Variants in SLC30A7 observed in about 807,000 individuals in gnomAD.
The protein encoded by SLC30A7 is solute carrier family 30 member 7.
SLC30A7 carries 35 observed loss-of-function variants against 46.0 expected under a neutral mutation model. That is an observed-to-expected ratio of 0.76 (90% CI 0.58 to 1.01). SLC30A7 has a LOEUF of 1.01. SLC30A7 is among the 50% of genes least tolerant of loss of function. The probability of loss-of-function intolerance (pLI) is 0.00; values close to 1 mark genes in which losing one functional copy is unlikely to be tolerated. For synonymous variants in SLC30A7, 147 were observed against 157.8 expected (o/e 0.93, Z 0.51); for missense variants, 464 against 451.1 (o/e 1.03, Z -0.26).
At chr1:100,927,297 G>A (rs899773112) in intron 8 of SLC30A7, among the ~76,000 whole-genome samples, 1 of 152,166 alleles carries the variant, frequency 6.6e-6, no homozygotes, top group Non-Finnish European at 1.5e-5. Flanking sequence ...GTGCAACCAA[G>A]AAGAGTAAAG....
intron 8 of SLC30A7, among the ~76,000 whole-genome samples, chr1:100,931,848 C>G (rs146196873): frequency 3.4e-4 from 52 of 152,272 alleles, no homozygotes; most frequent in Non-Finnish European, 6.8e-4. Context: ...ATCAAACATA[C>G]TGTATTATTT....
downstream of SLC30A7, among the ~76,000 whole-genome samples, chr1:100,984,574 G>T (rs1248423612): frequency 2.0e-5 from 3 of 152,144 alleles, no homozygotes; most frequent in Admixed American, 1.3e-4. Context: ...AAAGAGAACT[G>T]CAGTCTTTGA....
At chr1:100,940,872 T>A (rs189553267) in intron 8 of SLC30A7, 1 of 265,298 alleles carries the variant, frequency 3.8e-6, no homozygotes, top group African/African-American at 2.3e-5. Flanking sequence ...TATACACAAA[T>A]ACTGTCTAAA....
At chr1:100,988,054 G>T in the SLC30A7 span, among the ~76,000 whole-genome samples, 1 of 152,132 alleles carries the variant, frequency 6.6e-6, no homozygotes, top group East Asian at 1.9e-4. Context: ...TCCAACTGTG[G>T]CTTTCCACCA....
At chr1:100,994,275 A>G in the SLC30A7 span, among the ~76,000 whole-genome samples, 1 of 152,160 alleles carries the variant, frequency 6.6e-6, no homozygotes, top group African/African-American at 2.4e-5. Flanking sequence ...GCTGTTCCAA[A>G]CATACTTAAA....
the SLC30A7 span, among the ~76,000 whole-genome samples, chr1:100,987,006 T>C: frequency 3.1e-4 from 47 of 152,238 alleles, no homozygotes; most frequent in Non-Finnish European, 3.2e-4. Context: ...CTTTCCCTGC[T>C]GAGTAGTGCA....
downstream of SLC30A7, among the ~76,000 whole-genome samples, chr1:100,983,679 CAA>C (rs572315860): frequency 3.9e-5 from 6 of 152,140 alleles, no homozygotes; most frequent in Non-Finnish European, 7.4e-5. Context: ...CAAAATAATA[CAA>C]AGACCTTATA....
At chr1:100,917,316 T>G (rs1652632552) in intron 6 of SLC30A7, among the ~76,000 whole-genome samples, 1 of 152,236 alleles carries the variant, frequency 6.6e-6, no homozygotes, top group African/African-American at 2.4e-5. Context: ...TTATATTTCT[T>G]TGTTACATTA....
chr1:100,993,559 A>AATAT, the SLC30A7 span, among the ~76,000 whole-genome samples: 4,721 of 55,640 alleles, frequency 0.085, 444 homozygotes, highest in Non-Finnish European at 0.1. Flanking sequence ...CGAAAATATA[A>AATAT]ATATATATAT....
rs531199920 is a variant in SLC30A7, at chr1:100,971,383, T to G, written c.1084-3427T>G. On this transcript the variant is annotated intron_variant, in intron 10 of 10. Transcript: ENST00000357650. ...GATTTTGGTTGCCTGCTCTGCAGTTTTTCCTTATCCATCTTCCCATTATCT... is the reference window on the plus strand; with the variant it reads ...GATTTTGGTTGCCTGCTCTGCAGTTGTTCCTTATCCATCTTCCCATTATCT... Among the ~76,000 whole-genome samples, 33 of 152,258 alleles carry G rather than the reference T, an allele frequency of 2.2e-4. No individual in the cohort carries two copies. The South Asian group carries it at 6.8e-3, about 32-fold the overall frequency.
intron 10 of SLC30A7, among the ~76,000 whole-genome samples, chr1:100,974,401 A>T (rs1047818115): frequency 4.6e-5 from 7 of 152,342 alleles, no homozygotes; most frequent in African/African-American, 1.7e-4. Context: ...CTTGGAGTGC[A>T]AAATAATTCC....
At chr1:100,911,558 A>G (rs1049529293) in intron 4 of SLC30A7, among the ~76,000 whole-genome samples, 15 of 151,996 alleles carry the variant, frequency 9.9e-5, no homozygotes, top group South Asian at 2.1e-4. Flanking sequence ...TTTTTTATTT[A>G]TTTAGTTTTT....
At chr1:100,992,074 C>T in the SLC30A7 span, among the ~76,000 whole-genome samples, 10 of 149,984 alleles carry the variant, frequency 6.7e-5, no homozygotes, top group East Asian at 1.9e-4. Context: ...CTCCAGCCTG[C>T]GTGACAAAGT....
At chr1:100,930,583 A>ATT (rs140761167) in intron 8 of SLC30A7, among the ~76,000 whole-genome samples, 11 of 148,048 alleles carry the variant, frequency 7.4e-5, no homozygotes, top group Admixed American at 2.0e-4. Flanking sequence ...AAAAGTAAGC[A>ATT]TTTTTTTTTT....
In SLC30A7 at chr1:100,974,867, A is replaced by G; in HGVS notation, c.*10A>G. The G allele has an allele frequency of 1.3e-6, 2 of 1,598,888 alleles. No individual in the cohort carries two copies. Among genetic ancestry groups the G allele is most frequent in the African/African-American group, 1.3e-5 (1 of 74,836 alleles). ...CTTTGCAGCCATGTAGTGAATGGAA[A>G]GAAATTATGCACCTTTTATGGACCA... On this transcript the variant is annotated 3_prime_UTR_variant, in exon 11 of 11. Transcript: ENST00000357650.
In SLC30A7 at chr1:100,912,424, G is replaced by GT. The variant is rs146800435; in HGVS notation, c.511+187dup. ...TCAGTGCCTTCTCAGAGCTGTGCTT[G>GT]TATCATGGATCCCACCAGACCTCAG... On this transcript the variant is annotated intron_variant, in intron 5 of 10. Transcript: ENST00000357650. 7.5e-3 allele frequency among the ~76,000 whole-genome samples: 1,138 copies of GT among 152,208 alleles called. 23 individuals are homozygous for GT. The highest frequency in any genetic ancestry group is 0.024 in the African/African-American group (1,005 of 41,536).
At chr1:100,902,193 A>C (rs776070280) in intron 2 of SLC30A7, among the ~76,000 whole-genome samples, 41 of 152,192 alleles carry the variant, frequency 2.7e-4, no homozygotes, top group Admixed American at 4.6e-4. Flanking sequence ...GTTTTAAGAG[A>C]ACATAATGTT....
At chr1:100,963,221 C>T (rs1490327549) in intron 9 of SLC30A7, among the ~76,000 whole-genome samples, 4 of 152,170 alleles carry the variant, frequency 2.6e-5, no homozygotes, top group Non-Finnish European at 4.4e-5. Context: ...AGTTCTAGTT[C>T]TACTCTTTTA....
the SLC30A7 span, among the ~76,000 whole-genome samples, chr1:100,991,799 A>AAAAAAAAAAAAAG: frequency 6.6e-6 from 1 of 151,418 alleles, no homozygotes; most frequent in Non-Finnish European, 1.5e-5. Context: ...AAAAAAAAAA[A>AAAAAAAAAAAAAG]AAAAGTCTCA....
Sources: allele counts gnomAD v4.1 joint callset (sites outside exome capture counted in the v4.1 genomes callset), GRCh38; gene constraint gnomAD v4.1.1; transcripts MANE v1.5; gene names NCBI Gene and HGNC (gene_info 2026-07-23, HGNC 2026-07-21).